The following EXOC4 variants were observed in gnomAD, a reference collection of about 807,000 sequenced individuals.
EXOC4 encodes the protein exocyst complex component 4.
EXOC4 carries 71 observed loss-of-function variants against 107.2 expected under a neutral mutation model. That is an observed-to-expected ratio of 0.66 (90% CI 0.55 to 0.81). The LOEUF (loss-of-function observed/expected upper bound fraction) is 0.81, where lower values mean the gene tolerates loss of function less well. Among genes scored for constraint, EXOC4 ranks in the 30% least tolerant of loss-of-function variants. EXOC4 has a pLI of 0.00. For synonymous variants in EXOC4, 456 were observed against 441.2 expected (o/e 1.03, Z -0.42); for missense variants, 1,108 against 1,189.6 (o/e 0.93, Z 1.01).
intron 7 of EXOC4, among the ~76,000 whole-genome samples, chr7:133,433,848 C>T (rs185621928): frequency 1.3e-5 from 2 of 152,266 alleles, no homozygotes; most frequent in African/African-American, 4.8e-5. Flanking sequence ...TGCTGGTTGA[C>T]CCTGGCTATC....
rs76982283 is a variant in EXOC4, at chr7:133,864,291, C to G, written c.1735-31308C>G. On this transcript the variant is annotated intron_variant, in intron 11 of 17. Coordinates refer to ENST00000253861, the MANE Select transcript of EXOC4 (RefSeq NM_021807.4). ...AACTCTGTGAGATAGGTTATTTCTT[C>G]TATTTGGTAGAGAGGAAAATTATAT... is the stretch of plus-strand genomic sequence containing the variant. Among the ~76,000 whole-genome samples the G allele has an allele frequency of 6.7e-3, 1,021 of 152,196 alleles. 31 individuals are homozygous for G. The East Asian group carries it at 0.11, about 16-fold the overall frequency.
chr7:133,420,332 G>A (rs1036394484), intron 7 of EXOC4, among the ~76,000 whole-genome samples: 12 of 151,374 alleles, frequency 7.9e-5, no homozygotes, highest in African/African-American at 2.9e-4. Context: ...AGTATTCCAT[G>A]GTATATATGT....
chr7:133,634,239 G>A (rs1802654796), intron 10 of EXOC4, among the ~76,000 whole-genome samples: 1 of 152,134 alleles, frequency 6.6e-6, no homozygotes, highest in South Asian at 2.1e-4. Flanking sequence ...CTCACAGGAT[G>A]TTAGCGTCAA....
At chr7:134,011,848 T>A (rs1585320550) in intron 17 of EXOC4, among the ~76,000 whole-genome samples, 1 of 148,000 alleles carries the variant, frequency 6.8e-6, no homozygotes, top group African/African-American at 2.5e-5. Context: ...CTAATGGAGG[T>A]AATCCGAAAT....
At chr7:134,036,884 T>A (rs1229950044) in intron 17 of EXOC4, among the ~76,000 whole-genome samples, 1 of 152,164 alleles carries the variant, frequency 6.6e-6, no homozygotes, top group Non-Finnish European at 1.5e-5. Context: ...TCGGTTACCT[T>A]ACCTATAAAA....
chr7:133,344,100 A>T (rs1795730103), intron 5 of EXOC4, among the ~76,000 whole-genome samples: 1 of 152,134 alleles, frequency 6.6e-6, no homozygotes, highest in Admixed American at 6.5e-5. Flanking sequence ...TACAGGCATG[A>T]GCCAGAGCAC....
At chr7:133,674,293 AC>A (rs970127583) in intron 10 of EXOC4, among the ~76,000 whole-genome samples, 2 of 152,314 alleles carry the variant, frequency 1.3e-5, no homozygotes, top group Admixed American at 6.5e-5. Context: ...CACATTCCCC[AC>A]CCAGTGGGCT....
chr7:133,546,492 G>A (rs1359821249), intron 9 of EXOC4, among the ~76,000 whole-genome samples: 1 of 152,122 alleles, frequency 6.6e-6, no homozygotes, highest in Non-Finnish European at 1.5e-5. Context: ...CTCACCTCAA[G>A]CGATCTGCCT....
chr7:133,436,146 A>G (rs929236066), intron 7 of EXOC4, among the ~76,000 whole-genome samples: 7 of 151,630 alleles, frequency 4.6e-5, no homozygotes, highest in Admixed American at 6.6e-5. Context: ...TTTTTGAAAG[A>G]TGTTTTTCTT....
rs537063699 is a variant in EXOC4 at position 133,831,004 on chromosome 7, G to C, written c.1734+13460G>C. On this transcript the variant is annotated intron_variant, in intron 11 of 17. Transcript: ENST00000253861. ...TTTTGAGACAGAGTCTCGCTCTATC[G>C]CCCAGGCTGGAGTGTGGTGGCGCGA... Among the ~76,000 whole-genome samples, 613 of 152,006 alleles carry C rather than the reference G, an allele frequency of 4.0e-3. 5 individuals are homozygous for C. Among genetic ancestry groups the C allele is most frequent in the African/African-American group, 0.014 (583 of 41,418 alleles).
intron 14 of EXOC4, among the ~76,000 whole-genome samples, chr7:133,989,411 C>T (rs1472524014): frequency 6.6e-6 from 1 of 152,084 alleles, no homozygotes; most frequent in South Asian, 2.1e-4. Flanking sequence ...GGGATGAGCT[C>T]ACTCAGAACA....
At chr7:133,854,092 G>A (rs746493901) in intron 11 of EXOC4, among the ~76,000 whole-genome samples, 18 of 152,162 alleles carry the variant, frequency 1.2e-4, no homozygotes, top group Non-Finnish European at 2.4e-4. Flanking sequence ...CCTCATCAGG[G>A]CATCAGTGTG....
chr7:133,940,986 T>A (rs924884727), intron 14 of EXOC4, among the ~76,000 whole-genome samples: 1 of 151,878 alleles, frequency 6.6e-6, no homozygotes, highest in Non-Finnish European at 1.5e-5. Flanking sequence ...TGTGATAGGG[T>A]GGAAAAAGTT....
intron 7 of EXOC4, among the ~76,000 whole-genome samples, chr7:133,441,192 C>T (rs886579428): frequency 5.3e-5 from 8 of 152,024 alleles, no homozygotes; most frequent in South Asian, 2.1e-4. Context: ...TGCTTCAAGA[C>T]GGGAGAGATA....
intron 9 of EXOC4, among the ~76,000 whole-genome samples, chr7:133,508,581 A>G (rs1799709542): frequency 6.6e-6 from 1 of 152,222 alleles, no homozygotes. Flanking sequence ...GTAAGAGATC[A>G]TCAACCTTAC....
chr7:133,352,937 T>C (rs1233658095), intron 5 of EXOC4, among the ~76,000 whole-genome samples: 1 of 152,080 alleles, frequency 6.6e-6, no homozygotes, highest in African/African-American at 2.4e-5. Context: ...AATGGCTCTG[T>C]CCCTACCACT....
rs140271797 is a variant in EXOC4, at chr7:133,881,020, A to G, written c.1735-14579A>G. ...CAGAGCTTCAGAGTTTGTTTGTTAT[A>G]TAAGTATATTCATCTTTTCTGAACA... On this transcript the variant is annotated intron_variant, in intron 11 of 17. Transcript: ENST00000253861. 9.2e-3 allele frequency among the ~76,000 whole-genome samples: 1,402 copies of G among 152,280 alleles called. 19 individuals carry two copies. The highest frequency in any genetic ancestry group is 0.011 in the Non-Finnish European group (772 of 68,018).
chr7:133,255,452 G>T (rs1178850413), intron 1 of EXOC4, among the ~76,000 whole-genome samples: 1 of 152,140 alleles, frequency 6.6e-6, no homozygotes, highest in Admixed American at 6.5e-5. Flanking sequence ...TGGGATTACA[G>T]GCATGAACCA....
chr7:133,500,945 CTTA>C (rs1406611924), intron 9 of EXOC4, among the ~76,000 whole-genome samples: 2 of 152,100 alleles, frequency 1.3e-5, no homozygotes, highest in East Asian at 3.9e-4. Flanking sequence ...ATCTAGACCT[CTTA>C]TTATATGTCA....
Sources: allele counts gnomAD v4.1 joint callset (sites outside exome capture counted in the v4.1 genomes callset), GRCh38; gene constraint gnomAD v4.1.1; transcripts MANE v1.5; gene names NCBI Gene and HGNC (gene_info 2026-07-23, HGNC 2026-07-21).